DPF3: variants seen among roughly 807,000 people sequenced by gnomAD.
The protein encoded by DPF3 is double PHD fingers 3, also known as zinc finger protein DPF3.
Under a neutral mutation model 56.8 loss-of-function variants are expected in DPF3, and 18 were observed. The observed-to-expected ratio is 0.32, with a 90% CI of 0.22 to 0.47. The LOEUF (loss-of-function observed/expected upper bound fraction) is 0.47. Ranked by LOEUF, DPF3 falls within the 20% of genes least tolerant of loss-of-function variation. DPF3 has a pLI of 1.00. For synonymous variants in DPF3, 188 were observed against 180.2 expected (o/e 1.04, Z -0.35); for missense variants, 403 against 488.8 (o/e 0.82, Z 1.65).
At chr14:72,818,179 TGCAGTGA>T (rs1327287371) in intron 1 of DPF3, among the ~76,000 whole-genome samples, 2 of 151,574 alleles carry the variant, frequency 1.3e-5, no homozygotes, top group Admixed American at 6.6e-5. Context: ...AGTCAGAAGT[TGCAGTGA>T]GCAGTGATCG....
chr14:72,658,188 AG>A, intron 8 of DPF3, among the ~76,000 whole-genome samples: 1 of 152,330 alleles, frequency 6.6e-6, no homozygotes, highest in African/African-American at 2.4e-5. Flanking sequence ...TAAATGCTTA[AG>A]GGGCCGGATA....
At chr14:72,879,582 T>C (rs552135612) in intron 1 of DPF3, among the ~76,000 whole-genome samples, 68 of 152,060 alleles carry the variant, frequency 4.5e-4, no homozygotes, top group African/African-American at 1.5e-3. Context: ...ACTTAAACCA[T>C]CCAGAAGATG....
chr14:72,837,866 C>A (rs140285972), intron 1 of DPF3, among the ~76,000 whole-genome samples: 1 of 152,244 alleles, frequency 6.6e-6, no homozygotes, highest in African/African-American at 2.4e-5. Flanking sequence ...TCGTCTGCGG[C>A]CTTCATGAAG....
At chr14:72,781,902 T>C (rs1271250896) in intron 1 of DPF3, among the ~76,000 whole-genome samples, 1 of 152,164 alleles carries the variant, frequency 6.6e-6, no homozygotes, top group Non-Finnish European at 1.5e-5. Context: ...GGGTGAATCA[T>C]ACCTAGAAAG....
Position 72,802,350 on chromosome 14 carries a change from G to A in DPF3, c.33-30457C>T, listed in dbSNP as rs150704915. Among the ~76,000 whole-genome samples, 883 of 152,270 alleles carry A rather than the reference G, an allele frequency of 5.8e-3. 7 individuals carry two copies. The highest frequency in any genetic ancestry group is 0.021 in the African/African-American group (857 of 41,542). ...GGGGCCCTGAAGCCCATCGCTAAGT[G>A]TTTTGGGCTCCAGTTTGCTCATCTG... On this transcript the variant is annotated intron_variant, in intron 1 of 10. Coordinates refer to ENST00000556509, the MANE Select transcript of DPF3 (RefSeq NM_001280542.3).
At chr14:72,623,034 T>C (rs1466102324) in intron 9 of DPF3, among the ~76,000 whole-genome samples, 1 of 152,224 alleles carries the variant, frequency 6.6e-6, no homozygotes, top group East Asian at 1.9e-4. Flanking sequence ...TCCAGATTAA[T>C]CTCTAAGATA....
At chr14:72,638,457 T>A (rs760996305) in intron 8 of DPF3, among the ~76,000 whole-genome samples, 33 of 152,204 alleles carry the variant, frequency 2.2e-4, no homozygotes, top group Non-Finnish European at 4.1e-4. Flanking sequence ...AACCCTGTAA[T>A]CCCTGTACTT....
intron 1 of DPF3, among the ~76,000 whole-genome samples, chr14:72,874,703 G>T (rs116564218): frequency 1.4e-4 from 22 of 152,152 alleles, no homozygotes; most frequent in African/African-American, 5.3e-4. Flanking sequence ...TATCCATATC[G>T]CTATTAGCAT....
intron 1 of DPF3, among the ~76,000 whole-genome samples, chr14:72,786,917 A>G (rs926543921): frequency 4.6e-5 from 7 of 152,254 alleles, no homozygotes; most frequent in Non-Finnish European, 7.3e-5. Flanking sequence ...CTGTTGGCCA[A>G]TGGGCGAAAG....
intron 1 of DPF3, among the ~76,000 whole-genome samples, chr14:72,884,971 T>TATATA (rs10523148): frequency 5.4e-4 from 60 of 111,590 alleles, no homozygotes; most frequent in East Asian, 1.2e-3. Flanking sequence ...TATATATATA[T>TATATA]TAGCCGGGCG....
chr14:72,735,920 T>C (rs962688589), intron 3 of DPF3, among the ~76,000 whole-genome samples: 1 of 152,250 alleles, frequency 6.6e-6, no homozygotes, highest in Admixed American at 6.5e-5. Context: ...ATGAGGCTTA[T>C]CAACTTTTGT....
At chr14:72,836,400 G>C (rs1012546621) in intron 1 of DPF3, 1 of 985,320 alleles carries the variant, frequency 1.0e-6, no homozygotes, top group Non-Finnish European at 1.2e-6. Flanking sequence ...CAAACCCCTG[G>C]CCTACTCCAG....
At chr14:72,811,952 C>T (rs1883064678) in intron 1 of DPF3, among the ~76,000 whole-genome samples, 1 of 152,050 alleles carries the variant, frequency 6.6e-6, no homozygotes, top group African/African-American at 2.4e-5. Context: ...TCCAAGACAA[C>T]ATTGGTGTGG....
chr14:72,696,926 G>A (rs554157822), intron 6 of DPF3, among the ~76,000 whole-genome samples: 2 of 152,348 alleles, frequency 1.3e-5, no homozygotes, highest in South Asian at 4.1e-4. Context: ...GCACACTAAA[G>A]TTTGAGAACC....
intron 8 of DPF3, chr14:72,661,147 C>T: frequency 5.1e-6 from 5 of 985,444 alleles, no homozygotes; most frequent in Non-Finnish European, 6.0e-6. Flanking sequence ...CAGGTTGTCA[C>T]TTGTGGGAGT....
intron 1 of DPF3, among the ~76,000 whole-genome samples, chr14:72,814,904 T>G (rs1357286988): frequency 6.6e-6 from 1 of 152,302 alleles, no homozygotes; most frequent in Admixed American, 6.5e-5. Context: ...AAGAAACTTT[T>G]TCTAACCTTG....
chr14:72,615,629 C>T lies in DPF3; in HGVS notation c.*3668G>A, dbSNP rs1469900654. ...CCTTCCACCCACCCACAGGCTCTTC[C>T]CTGGTTCCAGTCGGCTGGGCTCAGC... On this transcript the variant is annotated 3_prime_UTR_variant, in exon 11 of 11. Coordinates refer to ENST00000556509, the MANE Select transcript of DPF3 (RefSeq NM_001280542.3). Among the ~76,000 whole-genome samples, 1 of 152,198 alleles carries T rather than the reference C, an allele frequency of 6.6e-6. No homozygotes were observed. The highest frequency in any genetic ancestry group is 2.4e-5 in the African/African-American group (1 of 41,444).
At chr14:72,800,443 T>A (rs1892830932) in intron 1 of DPF3, among the ~76,000 whole-genome samples, 1 of 151,956 alleles carries the variant, frequency 6.6e-6, no homozygotes, top group Admixed American at 6.6e-5. Flanking sequence ...GATGGATGCA[T>A]GGATGCATGG....
At chr14:72,649,293 C>T (rs539875081) in intron 8 of DPF3, among the ~76,000 whole-genome samples, 46 of 152,216 alleles carry the variant, frequency 3.0e-4, no homozygotes, top group African/African-American at 8.9e-4. Context: ...GGAGGGGAGC[C>T]TTCAGCTGGG....
Sources: allele counts gnomAD v4.1 joint callset (sites outside exome capture counted in the v4.1 genomes callset), GRCh38; gene constraint gnomAD v4.1.1; transcripts MANE v1.5; gene names NCBI Gene and HGNC (gene_info 2026-07-23, HGNC 2026-07-21).